The following ARHGAP20 variants were observed in gnomAD, a reference collection of about 807,000 sequenced individuals.
ARHGAP20 encodes the protein Rho GTPase activating protein 20, also known as rho GTPase-activating protein 20.
A neutral mutation model predicts 73.7 loss-of-function variants in ARHGAP20; 34 were observed. The observed-to-expected ratio is 0.46, with a 90% CI of 0.35 to 0.61. ARHGAP20 has a LOEUF of 0.61. Among genes scored for constraint, ARHGAP20 ranks in the 20% least tolerant of loss-of-function variants. ARHGAP20 has a pLI of 0.00. For synonymous variants in ARHGAP20, 523 were observed against 518.2 expected (o/e 1.01, Z -0.13); for missense variants, 1,314 against 1,420.9 (o/e 0.92, Z 1.21).
At chr11:110,665,868 A>G (rs770181734) in intron 2 of ARHGAP20, among the ~76,000 whole-genome samples, 21 of 152,212 alleles carry the variant, frequency 1.4e-4, no homozygotes, top group Non-Finnish European at 2.2e-4. Context: ...CCTAATGAAT[A>G]TAAGGCAAAG....
At chr11:110,625,636 T>C (rs920039833) in intron 3 of ARHGAP20, among the ~76,000 whole-genome samples, 2 of 152,182 alleles carry the variant, frequency 1.3e-5, no homozygotes, top group Non-Finnish European at 2.9e-5. Flanking sequence ...AGGTGGTCTA[T>C]TTTAATTCAA....
At position 110,712,393 on chromosome 11, in the gene ARHGAP20, A is replaced by G. The variant is rs1474888417; in HGVS notation, c.-162T>C. The G allele has an allele frequency of 9.6e-6, 4 of 415,676 alleles. No individual in the cohort carries two copies. The highest frequency in any genetic ancestry group is 1.6e-5 in the Non-Finnish European group (4 of 251,410). 25.7% of individuals were successfully genotyped at this position (415,676 alleles called of 1,614,324 possible). On this transcript the variant is annotated 5_prime_UTR_variant, in exon 1 of 15. The change abolishes an upstream ATG in the 5' untranslated region. Coordinates refer to ENST00000683387, the MANE Select transcript of ARHGAP20 (RefSeq NM_001384657.1). ...TCGCCGCGCGCCTCCCGTCGGGGCC[A>G]TGTACCTCCGCCTGCGCTCGACACC...
chr11:110,661,850 T>C (rs966294087), intron 2 of ARHGAP20, among the ~76,000 whole-genome samples: 5 of 152,024 alleles, frequency 3.3e-5, no homozygotes, highest in African/African-American at 9.7e-5. Context: ...TTTAACAAGA[T>C]AGTATATAGC....
intron 2 of ARHGAP20, among the ~76,000 whole-genome samples, chr11:110,636,113 C>T (rs1003780311): frequency 1.3e-5 from 2 of 152,108 alleles, no homozygotes; most frequent in Admixed American, 6.6e-5. Flanking sequence ...ATGGCTTAAT[C>T]TAGGGACCTT....
chr11:110,619,550 T>G (rs577696084), intron 4 of ARHGAP20, among the ~76,000 whole-genome samples: 1 of 151,456 alleles, frequency 6.6e-6, no homozygotes, highest in East Asian at 2.0e-4. Context: ...TGATAGAGTA[T>G]ATGCAGTGAT....
At position 110,600,510 on chromosome 11, in the gene ARHGAP20, G is replaced by A. The variant is rs566917925; in HGVS notation, c.964+6051C>T. 5.1e-4 allele frequency among the ~76,000 whole-genome samples: 77 copies of A among 152,302 alleles called. 1 individual carries two copies. In the South Asian group the frequency reaches 0.014, roughly 27 times the overall value. ...CCCCATGCTCACTCACACACCCCTC[G>A]CCACTCCACACCTGACTTGCCTCTG... On this transcript the variant is annotated intron_variant, in intron 9 of 14. Transcript: ENST00000683387.
intron 4 of ARHGAP20, among the ~76,000 whole-genome samples, chr11:110,617,581 T>C (rs935064559): frequency 1.3e-5 from 2 of 152,192 alleles, no homozygotes; most frequent in African/African-American, 4.8e-5. Context: ...CTCATTGCTG[T>C]GTTCCCTTGT....
Position 110,647,787 on chromosome 11 carries a change from A to C in ARHGAP20, c.189-16995T>G, listed in dbSNP as rs369136610. On this transcript the variant is annotated intron_variant, in intron 2 of 14. Coordinates refer to ENST00000683387, the MANE Select transcript of ARHGAP20 (RefSeq NM_001384657.1). ...CAGTATTCTCTCACTATAACAGATAAATAAAGTTAATAGAACATAAAATCT... is the reference window on the plus strand; with the variant it reads ...CAGTATTCTCTCACTATAACAGATACATAAAGTTAATAGAACATAAAATCT... 2.6e-5 allele frequency among the ~76,000 whole-genome samples: 4 copies of C among 152,096 alleles called. No homozygotes were observed. The South Asian group carries it at 6.2e-4, about 24-fold the overall frequency.
intron 2 of ARHGAP20, among the ~76,000 whole-genome samples, chr11:110,688,894 A>G (rs1374860686): frequency 1.3e-5 from 2 of 152,076 alleles, no homozygotes; most frequent in South Asian, 2.1e-4. Context: ...AGAACTTGCT[A>G]TGTGCTCGGA....
intron 9 of ARHGAP20, among the ~76,000 whole-genome samples, chr11:110,596,272 AC>A (rs1347462609): frequency 5.0e-5 from 7 of 140,172 alleles, no homozygotes; most frequent in African/African-American, 1.8e-4. Flanking sequence ...AGCAATGGCA[AC>A]AAGGGCCAAA....
intron 2 of ARHGAP20, among the ~76,000 whole-genome samples, chr11:110,660,756 T>C (rs1949591253): frequency 6.6e-6 from 1 of 152,224 alleles, no homozygotes; most frequent in Non-Finnish European, 1.5e-5. Flanking sequence ...TGCTATTCTT[T>C]TGAATGTCCT....
At chr11:110,706,425 C>A (rs1482401995) in intron 1 of ARHGAP20, among the ~76,000 whole-genome samples, 2 of 152,066 alleles carry the variant, frequency 1.3e-5, no homozygotes, top group South Asian at 2.1e-4. Flanking sequence ...TTTCTTTATT[C>A]TTCTATAAGT....
intron 4 of ARHGAP20, among the ~76,000 whole-genome samples, chr11:110,619,714 A>G (rs1948585946): frequency 6.6e-6 from 1 of 151,874 alleles, no homozygotes; most frequent in East Asian, 1.9e-4. Context: ...ATACAGTGAT[A>G]GAGTATATGT....
chr11:110,663,581 T>C (rs1485153488), intron 2 of ARHGAP20, among the ~76,000 whole-genome samples: 1 of 151,964 alleles, frequency 6.6e-6, no homozygotes, highest in African/African-American at 2.4e-5. Context: ...TTAAGGAAAT[T>C]GAATATTTAG....
chr11:110,672,960 A>G (rs1565470711), intron 2 of ARHGAP20, among the ~76,000 whole-genome samples: 5 of 152,204 alleles, frequency 3.3e-5, no homozygotes, highest in Admixed American at 2.0e-4. Context: ...GCAGCCCCAA[A>G]TATCTCAAAT....
chr11:110,659,786 C>T (rs1431271880), intron 2 of ARHGAP20, among the ~76,000 whole-genome samples: 1 of 151,788 alleles, frequency 6.6e-6, no homozygotes, highest in Non-Finnish European at 1.5e-5. Context: ...TCATCATTCT[C>T]AGTAAACTAT....
At position 110,579,282 on chromosome 11, in the gene ARHGAP20, G is replaced by T. The variant is rs762228430; in HGVS notation, c.*88C>A. 3.4e-6 allele frequency: 5 copies of T among 1,464,688 alleles called. No homozygotes were observed. The highest frequency in any genetic ancestry group is 4.5e-6 in the Non-Finnish European group (5 of 1,107,640). 90.7% of individuals were successfully genotyped at this position (1,464,688 alleles called of 1,614,324 possible). On this transcript the variant is annotated 3_prime_UTR_variant, in exon 15 of 15. Coordinates refer to ENST00000683387, the MANE Select transcript of ARHGAP20 (RefSeq NM_001384657.1). ...GATAATCCTTATGCTACCTCTCCCAGGTATCTTATACAAAGGGGTCATAAT... is the reference window on the plus strand; with the variant it reads ...GATAATCCTTATGCTACCTCTCCCATGTATCTTATACAAAGGGGTCATAAT...
chr11:110,577,182 A>G lies in ARHGAP20; in HGVS notation c.*2188T>C. 6.5e-7 allele frequency: 1 copy of G among 1,531,974 alleles called. No homozygotes were observed. The highest frequency in any genetic ancestry group is 8.7e-7 in the Non-Finnish European group (1 of 1,144,788). 94.9% of individuals were successfully genotyped at this position (1,531,974 alleles called of 1,614,324 possible). A position where few individuals can be genotyped will look rare whatever the true frequency, so the allele number is the denominator to read the frequency against. ...AAGTACAAAAATACACATTTATTAC[A>G]TAACATATGGTAGTAAAATTTGTCA... On this transcript the variant is annotated 3_prime_UTR_variant, in exon 15 of 15. Transcript: ENST00000683387.
intron 2 of ARHGAP20, among the ~76,000 whole-genome samples, chr11:110,635,640 T>G (rs1334419914): frequency 1.3e-5 from 2 of 152,122 alleles, no homozygotes; most frequent in Non-Finnish European, 2.9e-5. Flanking sequence ...AACCACATAC[T>G]ATGTATAACT....
Sources: gnomAD v4.1 joint callset for allele counts (sites outside exome capture counted in the v4.1 genomes callset) on GRCh38, gnomAD v4.1.1 for gene constraint, MANE v1.5 for transcripts, NCBI Gene and HGNC (gene_info 2026-07-23, HGNC 2026-07-21) for gene names.